PACRG: variants seen among roughly 807,000 people sequenced by gnomAD.
PACRG encodes parkin coregulated gene protein.
A neutral mutation model predicts 29.7 loss-of-function variants in PACRG; 29 were observed. The observed-to-expected ratio is 0.98, with a 90% confidence interval of 0.73 to 1.33. The LOEUF (loss-of-function observed/expected upper bound fraction) is 1.33. Ranked by LOEUF, PACRG falls within the 40% of genes most tolerant of loss-of-function variation. The pLI is 0.00. For synonymous variants in PACRG, 116 were observed against 118.7 expected (o/e 0.98, Z 0.15); for missense variants, 279 against 316.2 (o/e 0.88, Z 0.89).
chr6:162,788,592 CT>C (rs974383021), intron 1 of PACRG, among the ~76,000 whole-genome samples: 54 of 152,302 alleles, frequency 3.5e-4, no homozygotes, highest in Admixed American at 9.8e-4. Flanking sequence ...TGCAAACTGT[CT>C]TCCAAAGTGA....
At chr6:162,885,885 A>T (rs987349365) in intron 2 of PACRG, among the ~76,000 whole-genome samples, 1 of 152,166 alleles carries the variant, frequency 6.6e-6, no homozygotes, top group South Asian at 2.1e-4. Flanking sequence ...GCATTTCCTA[A>T]AACCAAGGAC....
intron 2 of PACRG, among the ~76,000 whole-genome samples, chr6:162,970,240 A>G (rs1801411302): frequency 6.6e-6 from 1 of 152,204 alleles, no homozygotes; most frequent in South Asian, 2.1e-4. Flanking sequence ...GATGCCACCT[A>G]TCCCCAGAAA....
chr6:162,758,439 C>G (rs1782100854), intron 1 of PACRG, among the ~76,000 whole-genome samples: 1 of 152,066 alleles, frequency 6.6e-6, no homozygotes, highest in Non-Finnish European at 1.5e-5. Flanking sequence ...ATAGGATTTA[C>G]AAATCAGTTT....
chr6:163,156,666 A>T lies in PACRG; in HGVS notation c.613+67258A>T, dbSNP rs139264403. On this transcript the variant is annotated intron_variant, in intron 4 of 4. Transcript: ENST00000366888. ...CAGAAATTTATTATCTTGCAGCTCA[A>T]TAGTGCAGAAGTCCACATAGGTCAT... Among the ~76,000 whole-genome samples the T allele has an allele frequency of 3.9e-5, 6 of 152,330 alleles. No homozygotes were observed. In the East Asian group the frequency reaches 7.7e-4, roughly 20 times the overall value.
intron 2 of PACRG, among the ~76,000 whole-genome samples, chr6:162,900,682 C>T (rs1398031763): frequency 6.6e-6 from 1 of 152,144 alleles, no homozygotes; most frequent in African/African-American, 2.4e-5. Flanking sequence ...CCAAACACAC[C>T]GGCTTCCCCG....
chr6:163,095,507 T>C, intron 4 of PACRG: 1 of 874,700 alleles, frequency 1.1e-6, no homozygotes, highest in African/African-American at 1.8e-5. Context: ...ATGTATCGTC[T>C]CCCAGTTCTG....
At chr6:163,277,502 T>TAC (rs149681578) in intron 4 of PACRG, among the ~76,000 whole-genome samples, 8,482 of 144,174 alleles carry the variant, frequency 0.059, 790 homozygotes, top group African/African-American at 0.19. Context: ...TATACACACA[T>TAC]ACACACACAC....
At chr6:163,070,801 C>CA (rs1811971807) in intron 3 of PACRG, among the ~76,000 whole-genome samples, 1 of 149,800 alleles carries the variant, frequency 6.7e-6, no homozygotes, top group South Asian at 2.1e-4. Context: ...TGATCTGTTA[C>CA]AAAAAACACA....
intron 2 of PACRG, among the ~76,000 whole-genome samples, chr6:162,815,932 C>A (rs1029298350): frequency 6.6e-6 from 1 of 151,902 alleles, no homozygotes; most frequent in Non-Finnish European, 1.5e-5. Context: ...ATAACCTACA[C>A]ATAAATTGTA....
intron 4 of PACRG, among the ~76,000 whole-genome samples, chr6:163,111,138 C>T (rs538925340): frequency 1.2e-3 from 183 of 152,282 alleles, no homozygotes; most frequent in African/African-American, 4.0e-3. Flanking sequence ...GAGCCTTTTA[C>T]GCTAGAACCT....
In PACRG at chr6:162,994,938, T is replaced by G. The variant is rs566179052; in HGVS notation, c.292-67212T>G. Among the ~76,000 whole-genome samples the G allele has an allele frequency of 2.8e-3, 409 of 148,584 alleles. 1 individual carries two copies. Among genetic ancestry groups the G allele is most frequent in the Non-Finnish European group, 4.6e-3 (306 of 67,242 alleles). ...GTTTTCGGTGTGGATGTCCTTTCTG[T>G]TTGTTAGTTTTCCTTCTAACAGACA... On this transcript the variant is annotated intron_variant, in intron 2 of 4. Transcript: ENST00000366888.
chr6:162,839,604 C>A (rs1789568784), intron 2 of PACRG, among the ~76,000 whole-genome samples: 1 of 152,060 alleles, frequency 6.6e-6, no homozygotes, highest in African/African-American at 2.4e-5. Context: ...TGAATTAGAT[C>A]CCATTTGTCA....
rs138311913 is a variant in PACRG at position 163,175,283 on chromosome 6, C to T, written c.613+85875C>T. 8.8e-3 allele frequency among the ~76,000 whole-genome samples: 1,337 copies of T among 152,214 alleles called. 5 individuals carry two copies. Among genetic ancestry groups the T allele is most frequent in the Non-Finnish European group, 0.014 (926 of 68,024 alleles). On this transcript the variant is annotated intron_variant, in intron 4 of 4. Transcript: ENST00000366888. ...AAAGCTTGGGGAACAATGTCAGCTCCCAAATATCTTAGGGGTGGAGCCATC... is the reference window on the plus strand; with the variant it reads ...AAAGCTTGGGGAACAATGTCAGCTCTCAAATATCTTAGGGGTGGAGCCATC...
At chr6:162,746,567 A>G (rs369641213) in intron 1 of PACRG, among the ~76,000 whole-genome samples, 1 of 152,206 alleles carries the variant, frequency 6.6e-6, no homozygotes, top group African/African-American at 2.4e-5. Context: ...TTCACACAAA[A>G]TTATCTTCTG....
At chr6:162,828,434 A>C (rs1788464685) in intron 2 of PACRG, among the ~76,000 whole-genome samples, 1 of 152,224 alleles carries the variant, frequency 6.6e-6, no homozygotes. Context: ...TGTAAGAAGC[A>C]TCATTCATTT....
intron 1 of PACRG, among the ~76,000 whole-genome samples, chr6:162,771,010 C>T (rs1783175808): frequency 1.3e-5 from 2 of 151,924 alleles, no homozygotes; most frequent in East Asian, 1.9e-4. Flanking sequence ...AATCAGGGCA[C>T]TTTTTCAAAT....
intron 4 of PACRG, among the ~76,000 whole-genome samples, chr6:163,242,246 A>G (rs1222564102): frequency 6.6e-6 from 1 of 152,236 alleles, no homozygotes; most frequent in African/African-American, 2.4e-5. Flanking sequence ...ACAGCATTTC[A>G]GAGAAATGAT....
chr6:162,749,500 A>G (rs1036559162), intron 1 of PACRG, among the ~76,000 whole-genome samples: 5 of 152,198 alleles, frequency 3.3e-5, no homozygotes, highest in Admixed American at 2.6e-4. Context: ...CTCCTGGGGC[A>G]CAAAATAAAA....
intron 1 of PACRG, among the ~76,000 whole-genome samples, chr6:162,798,757 G>A (rs371969257): frequency 1.4e-4 from 22 of 151,976 alleles, no homozygotes; most frequent in Admixed American, 2.6e-4. Context: ...ATATGTCATC[G>A]TATATTTAAA....
Sources: gnomAD v4.1 joint callset for allele counts (sites outside exome capture counted in the v4.1 genomes callset) on GRCh38, gnomAD v4.1.1 for gene constraint, MANE v1.5 for transcripts, NCBI Gene and HGNC (gene_info 2026-07-23, HGNC 2026-07-21) for gene names.